EBF1: variants seen among roughly 807,000 people sequenced by gnomAD.
EBF1 encodes transcription factor COE1.
EBF1 carries 10 observed loss-of-function variants against 68.4 expected under a neutral mutation model. The observed-to-expected ratio is 0.15, with a 90% CI of 0.09 to 0.25. The LOEUF is 0.25. Among genes scored for constraint, EBF1 ranks in the 10% least tolerant of loss-of-function variants. The pLI, the probability that EBF1 is intolerant of heterozygous loss-of-function variation, is 1.00. For missense variants in EBF1, 509 were observed against 794.4 expected (o/e 0.64, Z 4.32); for synonymous variants, 298 against 299.8 (o/e 0.99, Z 0.06).
chr5:159,097,178 G>A (rs1424612067), intron 1 of EBF1, 48 bp from the exon 2 acceptor site: 15 of 1,579,616 alleles, frequency 9.5e-6, no homozygotes, highest in Non-Finnish European at 1.3e-5. Flanking sequence ...ACGCCGACCC[G>A]CGCCCCTTGT....
intron 6 of EBF1, among the ~76,000 whole-genome samples, chr5:158,912,017 T>C (rs982447068): frequency 1.3e-5 from 2 of 152,212 alleles, no homozygotes; most frequent in African/African-American, 4.8e-5. Context: ...TTCATTTCTT[T>C]AGTGGGTGAG....
At chr5:158,764,137 G>A (rs969053312) in intron 10 of EBF1, among the ~76,000 whole-genome samples, 8 of 152,166 alleles carry the variant, frequency 5.3e-5, no homozygotes, top group African/African-American at 1.9e-4. Flanking sequence ...TCTCAGAGTG[G>A]TTAAGAAACT....
In EBF1 at chr5:158,788,303, G is replaced by A. The variant is rs146605821; in HGVS notation, c.909+8042C>T. Among the ~76,000 whole-genome samples, 829 of 152,216 alleles carry A rather than the reference G, an allele frequency of 5.4e-3. 13 individuals are homozygous for A. The highest frequency in any genetic ancestry group is 0.019 in the African/African-American group (801 of 41,534). On this transcript the variant is annotated intron_variant, in intron 9 of 15. Transcript: ENST00000313708. ...TGGGAAGATTCCAGAGAAAAAGGTG[G>A]TATTTTACAGGATCTTAAAGGGCAG...
At chr5:159,044,170 G>A (rs1771842261) in intron 6 of EBF1, among the ~76,000 whole-genome samples, 1 of 152,144 alleles carries the variant, frequency 6.6e-6, no homozygotes, top group South Asian at 2.1e-4. Flanking sequence ...CTATTAACCA[G>A]AATGTTTAAC....
chr5:159,074,387 G>A (rs191952526), intron 5 of EBF1, among the ~76,000 whole-genome samples: 1 of 152,316 alleles, frequency 6.6e-6, no homozygotes, highest in East Asian at 1.9e-4. Context: ...ATCTGCACCA[G>A]GGGCATACTT....
chr5:158,901,885 G>T (rs550822366), intron 6 of EBF1, among the ~76,000 whole-genome samples: 83 of 152,292 alleles, frequency 5.5e-4, no homozygotes, highest in Non-Finnish European at 1.1e-3. Context: ...GAGGCCAGGG[G>T]TTCGAGACCA....
In EBF1 at chr5:158,820,001, G is replaced by C. The variant is rs556482426; in HGVS notation, c.778+3175C>G. On this transcript the variant is annotated intron_variant, in intron 8 of 15. Transcript: ENST00000313708. ...GAGCACAGGGGTTTGCGAGTCCATG[G>C]GTCACATAAGAAAGCCCATGCATGA... Among the ~76,000 whole-genome samples, 234 of 152,092 alleles carry C rather than the reference G, an allele frequency of 1.5e-3. 1 individual carries two copies. The highest frequency in any genetic ancestry group is 5.6e-3 in the African/African-American group (232 of 41,500).
At chr5:158,773,168 AG>A (rs5872572) in intron 10 of EBF1, among the ~76,000 whole-genome samples, 10,255 of 152,130 alleles carry the variant, frequency 0.067, 455 homozygotes, top group East Asian at 0.15. Flanking sequence ...AGAAAATAAG[AG>A]GGATAGGGAG....
chr5:158,839,765 G>A (rs1483013622), intron 7 of EBF1, among the ~76,000 whole-genome samples: 1 of 152,070 alleles, frequency 6.6e-6, no homozygotes, highest in Non-Finnish European at 1.5e-5. Flanking sequence ...CTTAATCTGT[G>A]GGGGTTTAGG....
chr5:158,864,105 C>T (rs1022122486), intron 6 of EBF1, among the ~76,000 whole-genome samples: 3 of 151,394 alleles, frequency 2.0e-5, no homozygotes, highest in African/African-American at 4.9e-5. Context: ...TGGTGGTACA[C>T]ACCAGCTACT....
In EBF1 at chr5:159,079,859, C is replaced by A. The variant is rs6864082; in HGVS notation, c.485+4807G>T. 9.2e-3 allele frequency among the ~76,000 whole-genome samples: 1,397 copies of A among 152,176 alleles called. 16 individuals are homozygous for A. The highest frequency in any genetic ancestry group is 0.031 in the African/African-American group (1,279 of 41,510). ...TGAACTCTTGGCCTCAAGTGATCTG[C>A]CCACCTCGGCCTCCCATAATGCTGG... On this transcript the variant is annotated intron_variant, in intron 5 of 15. Transcript: ENST00000313708.
chr5:158,820,413 C>T (rs1005197232), intron 8 of EBF1, among the ~76,000 whole-genome samples: 3 of 152,218 alleles, frequency 2.0e-5, no homozygotes, highest in African/African-American at 7.2e-5. Flanking sequence ...TCCACTCCCA[C>T]ACATTACCAA....
At chr5:158,728,458 A>G (rs1462995085) in intron 11 of EBF1, among the ~76,000 whole-genome samples, 1 of 152,226 alleles carries the variant, frequency 6.6e-6, no homozygotes, top group East Asian at 1.9e-4. Context: ...TGTTTTCAAA[A>G]GTAAGTACAC....
chr5:158,844,343 G>A (rs1010985408), intron 6 of EBF1, among the ~76,000 whole-genome samples: 13 of 151,856 alleles, frequency 8.6e-5, no homozygotes, highest in Admixed American at 7.2e-4. Flanking sequence ...AAATCCTCAC[G>A]GAATTTCTAT....
intron 6 of EBF1, among the ~76,000 whole-genome samples, chr5:158,922,054 T>C (rs762050182): frequency 1.3e-5 from 2 of 152,254 alleles, no homozygotes; most frequent in Non-Finnish European, 2.9e-5. Flanking sequence ...CTCTTAGTTG[T>C]GCTGGGTTCT....
rs190428355 is a variant in EBF1, at chr5:159,069,505, T to C, written c.554+3891A>G. Among the ~76,000 whole-genome samples, 148 of 152,218 alleles carry C rather than the reference T, an allele frequency of 9.7e-4. 2 individuals carry two copies. The highest frequency in any genetic ancestry group is 3.4e-3 in the African/African-American group (140 of 41,566). On this transcript the variant is annotated intron_variant, in intron 6 of 15. Transcript: ENST00000313708. ...ATTCATCCATGTCATTGCTCAAAGA[T>C]AGTTTAGGAAAATAAAGAGTTTGGG...
At chr5:158,999,095 A>C (rs970823302) in intron 6 of EBF1, among the ~76,000 whole-genome samples, 1 of 152,158 alleles carries the variant, frequency 6.6e-6, no homozygotes, top group Non-Finnish European at 1.5e-5. Context: ...AGAAAAAAAA[A>C]AATCTGACAG....
intron 10 of EBF1, among the ~76,000 whole-genome samples, chr5:158,752,485 C>A (rs867218268): frequency 6.6e-6 from 1 of 152,024 alleles, no homozygotes. Flanking sequence ...CTCACTAGTT[C>A]TGTGGTTTTC....
At chr5:158,940,252 G>A (rs905176634) in intron 6 of EBF1, among the ~76,000 whole-genome samples, 2 of 152,200 alleles carry the variant, frequency 1.3e-5, no homozygotes, top group African/African-American at 4.8e-5. Context: ...TGGAGATTGT[G>A]TGCAGGACGG....
Sources: gnomAD v4.1 joint callset for allele counts (sites outside exome capture counted in the v4.1 genomes callset) on GRCh38, gnomAD v4.1.1 for gene constraint, MANE v1.5 for transcripts, NCBI Gene and HGNC (gene_info 2026-07-23, HGNC 2026-07-21) for gene names.